SEC14L1: variants seen among roughly 807,000 people sequenced by gnomAD.
The protein encoded by SEC14L1 is SEC14-like protein 1.
SEC14L1 carries 48 observed loss-of-function variants against 85.3 expected under a neutral mutation model. The ratio of observed to expected loss-of-function variants is 0.56; its 90% CI spans 0.45 to 0.72. SEC14L1 has a LOEUF of 0.72. Among genes scored for constraint, SEC14L1 ranks in the 30% least tolerant of loss-of-function variants. The pLI, the probability that SEC14L1 is intolerant of heterozygous loss-of-function variation, is 0.00. For missense variants in SEC14L1, 682 were observed against 921.4 expected, an observed-to-expected ratio of 0.74 and a Z score of 3.36; for synonymous variants, 391 against 355.5, an observed-to-expected ratio of 1.10 and a Z score of -1.12.
At position 77,202,695 on chromosome 17, in the gene SEC14L1, G is replaced by A. The variant is rs945089333; in HGVS notation, c.1010-875G>A. Among the ~76,000 whole-genome samples the A allele has an allele frequency of 4.6e-5, 7 of 152,102 alleles. No individual in the cohort carries two copies. In the South Asian group the frequency reaches 6.2e-4, roughly 13 times the overall value. ...AGAAGTTTGGGAGGCGGAGGCAGGC[G>A]GATTGCCTGAGCTCAGGATTTTGAG... On this transcript the variant is annotated intron_variant, in intron 9 of 16. Coordinates refer to ENST00000436233, the MANE Select transcript of SEC14L1 (RefSeq NM_001143998.2).
At chr17:77,199,726 C>T (rs1976025524) in intron 8 of SEC14L1, among the ~76,000 whole-genome samples, 1 of 152,154 alleles carries the variant, frequency 6.6e-6, no homozygotes, top group Non-Finnish European at 1.5e-5. Flanking sequence ...ATTATTTATG[C>T]CTTTGCTCTA....
intron 3 of SEC14L1, among the ~76,000 whole-genome samples, chr17:77,118,554 G>A (rs929343637): frequency 5.9e-5 from 9 of 152,238 alleles, no homozygotes; most frequent in Non-Finnish European, 2.9e-5. Flanking sequence ...CTTCTGTTAT[G>A]TAATATTCCA....
chr17:77,173,053 A>G (rs1008718922), intron 3 of SEC14L1, among the ~76,000 whole-genome samples: 7 of 152,176 alleles, frequency 4.6e-5, no homozygotes, highest in African/African-American at 9.7e-5. Context: ...GCTCAGCCCA[A>G]GTATATATCT....
Position 77,215,018 on chromosome 17 carries a change from T to C in SEC14L1, c.*995T>C, listed in dbSNP as rs186912917. ...ATCCACTTCAGGGTGGCGTGTGGCA[T>C]GTAGGAGTCCTGCTTCTTTGTACAT... is the stretch of plus-strand genomic sequence containing the variant. On this transcript the variant is annotated 3_prime_UTR_variant, in exon 17 of 17. Coordinates refer to ENST00000436233, the MANE Select transcript of SEC14L1 (RefSeq NM_001143998.2). The C allele has an allele frequency of 1.0e-6, 1 of 985,560 alleles. No homozygotes were observed. Among genetic ancestry groups the C allele is most frequent in the Non-Finnish European group, 1.2e-6 (1 of 830,084 alleles). The allele number at this position is 985,560 out of a possible 1,614,324, so 61.1% of individuals were successfully genotyped here. A position where few individuals can be genotyped will look rare whatever the true frequency, so the allele number is the denominator to read the frequency against.
intron 3 of SEC14L1, among the ~76,000 whole-genome samples, chr17:77,156,015 C>T (rs926022432): frequency 1.3e-5 from 2 of 152,152 alleles, no homozygotes; most frequent in Admixed American, 6.5e-5. Context: ...CTAATTATGT[C>T]GAATTTCTTG....
intron 3 of SEC14L1, among the ~76,000 whole-genome samples, chr17:77,096,554 CAA>C (rs59377154): frequency 6.9e-6 from 1 of 144,866 alleles, no homozygotes; most frequent in African/African-American, 2.5e-5. Context: ...GACTCCATCT[CAA>C]AAAAAAAAAG....
intron 3 of SEC14L1, among the ~76,000 whole-genome samples, chr17:77,113,688 A>G (rs1049359052): frequency 1.3e-5 from 2 of 152,082 alleles, no homozygotes; most frequent in Non-Finnish European, 2.9e-5. Context: ...AGAGGTTGCT[A>G]TGAGCCGAAA....
At chr17:77,132,617 G>A (rs988508323) in intron 3 of SEC14L1, among the ~76,000 whole-genome samples, 12 of 152,278 alleles carry the variant, frequency 7.9e-5, no homozygotes, top group African/African-American at 2.6e-4. Flanking sequence ...GGGCGTATAA[G>A]GCCACCAGAA....
At chr17:77,211,882 C>G (rs117178832) in intron 14 of SEC14L1, 68 bp from the exon 15 acceptor site, 1 of 1,579,226 alleles carries the variant, frequency 6.3e-7, no homozygotes, top group African/African-American at 1.3e-5. Context: ...CTGGAGAGCA[C>G]GATGCGCTCG....
intron 3 of SEC14L1, among the ~76,000 whole-genome samples, chr17:77,149,807 T>C (rs1349050551): frequency 6.6e-6 from 1 of 151,910 alleles, no homozygotes; most frequent in African/African-American, 2.4e-5. Flanking sequence ...AGTTAACCAG[T>C]GGGTCACCTG....
chr17:77,206,529 A>G lies in SEC14L1; in HGVS notation c.1341+129A>G, dbSNP rs1976472059. 3 of 1,296,640 alleles carry G rather than the reference A, an allele frequency of 2.3e-6. No individual in the cohort carries two copies. Among genetic ancestry groups the G allele is most frequent in the Middle Eastern group, 2.7e-4 (1 of 3,662 alleles). 80.3% of individuals were successfully genotyped at this position (1,296,640 alleles called of 1,614,324 possible). On this transcript the variant is annotated intron_variant, in intron 12 of 16. Transcript: ENST00000436233. This position sits in a 1 kb window ranked among gnomAD's most constrained non-coding sequence, Gnocchi z 4.3. ...AAAAAACAATAACATGCAAAGATAT[A>G]AAATTTCTCAAATTGTTTAAGAAAG...
chr17:77,171,212 C>T (rs974743839), intron 3 of SEC14L1, among the ~76,000 whole-genome samples: 1 of 152,166 alleles, frequency 6.6e-6, no homozygotes, highest in African/African-American at 2.4e-5. Flanking sequence ...CACACATAGC[C>T]TGGGGACCCC....
At chr17:77,198,785 G>C (rs528397694) in intron 8 of SEC14L1, among the ~76,000 whole-genome samples, 158 of 152,092 alleles carry the variant, frequency 1.0e-3, no homozygotes, top group African/African-American at 3.6e-3. Flanking sequence ...TGTTAGCCAG[G>C]ATGGTCTCGA....
At chr17:77,176,671 C>G (rs749465382) in intron 3 of SEC14L1, among the ~76,000 whole-genome samples, 1 of 152,202 alleles carries the variant, frequency 6.6e-6, no homozygotes, top group Non-Finnish European at 1.5e-5. Context: ...ACTGCATCCT[C>G]CACCTCCCAG....
At chr17:77,095,626 G>A (rs547010258) in intron 3 of SEC14L1, among the ~76,000 whole-genome samples, 107 of 152,244 alleles carry the variant, frequency 7.0e-4, no homozygotes, top group African/African-American at 2.6e-3. Flanking sequence ...AAAGCAGCCT[G>A]ACCAACATGG....
chr17:77,117,523 C>T (rs1026349118), intron 3 of SEC14L1, among the ~76,000 whole-genome samples: 1 of 152,160 alleles, frequency 6.6e-6, no homozygotes, highest in Non-Finnish European at 1.5e-5. Flanking sequence ...TAATCAATTG[C>T]CCTGAAGCTT....
At chr17:77,107,171 A>G (rs1479431632) in intron 3 of SEC14L1, among the ~76,000 whole-genome samples, 1 of 152,190 alleles carries the variant, frequency 6.6e-6, no homozygotes, top group Admixed American at 6.5e-5. Flanking sequence ...AGGGGAAAGA[A>G]CAAAGAGCCA....
At chr17:77,090,490 A>G (rs1346242093) in intron 2 of SEC14L1, among the ~76,000 whole-genome samples, 1 of 131,250 alleles carries the variant, frequency 7.6e-6, no homozygotes, top group Non-Finnish European at 1.6e-5. Flanking sequence ...CCTCATTTCT[A>G]TGTTTTTTAA....
At chr17:77,197,747 T>A (rs934806182) in intron 8 of SEC14L1, among the ~76,000 whole-genome samples, 9 of 152,142 alleles carry the variant, frequency 5.9e-5, no homozygotes, top group African/African-American at 2.2e-4. Flanking sequence ...GAGCTGGGGT[T>A]AGCTCTGCCA....
Sources: gnomAD v4.1 joint callset for allele counts (sites outside exome capture counted in the v4.1 genomes callset) on GRCh38, gnomAD v4.1.1 for gene constraint, Gnocchi (gnomAD v3.1) non-coding constraint, MANE v1.5 for transcripts, NCBI Gene and HGNC (gene_info 2026-07-23, HGNC 2026-07-21) for gene names.